Variants in FAM76B observed in about 807,000 individuals in gnomAD.
FAM76B encodes the protein family with sequence similarity 76 member B.
Under a neutral mutation model 51.8 loss-of-function variants are expected in FAM76B, and 16 were observed. The ratio of observed to expected loss-of-function variants is 0.31; its 90% confidence interval spans 0.21 to 0.47. The LOEUF is 0.47. Ranked by LOEUF, FAM76B falls within the 20% of genes least tolerant of loss-of-function variation. FAM76B has a pLI of 1.00. For synonymous variants in FAM76B, 166 were observed against 129.5 expected (o/e 1.28, Z -1.91); for missense variants, 342 against 392.6 (o/e 0.87, Z 1.09).
At chr11:95,774,587 G>GAC (rs1347464784) in intron 9 of FAM76B, among the ~76,000 whole-genome samples, 1 of 151,420 alleles carries the variant, frequency 6.6e-6, no homozygotes, top group Non-Finnish European at 1.5e-5. Context: ...TTAAATCAAA[G>GAC]ATCACCAGGT....
chr11:95,788,623 G>T, intron 1 of FAM76B, 60 bp from the exon 2 acceptor site: 1 of 1,514,682 alleles, frequency 6.6e-7, no homozygotes. Flanking sequence ...TCACTTTTCT[G>T]GTAGAAAACT....
Position 95,771,532 on chromosome 11 carries a change from T to G in FAM76B, c.*29A>C, listed in dbSNP as rs1565282205. On this transcript the variant is annotated 3_prime_UTR_variant, in exon 10 of 10. Coordinates refer to ENST00000358780, the MANE Select transcript of FAM76B (RefSeq NM_144664.5). ...ATTTTTTTTCCCCAAATTTACATTG[T>G]AAGAAGAAATGCTAAACAAATGACT... is the stretch of plus-strand genomic sequence containing the variant. 1 of 1,571,964 alleles carries G rather than the reference T, an allele frequency of 6.4e-7. No individual in the cohort carries two copies. Among genetic ancestry groups the G allele is most frequent in the South Asian group, 1.1e-5 (1 of 87,958 alleles).
intron 4 of FAM76B, 103 bp from the exon 5 acceptor site, chr11:95,783,367 C>T: frequency 1.1e-6 from 1 of 923,262 alleles, no homozygotes; most frequent in South Asian, 1.6e-5. Flanking sequence ...CCACACGTAA[C>T]ATGCACAAAT....
Position 95,789,567 on chromosome 11 carries a change from G to T in FAM76B, c.-89C>A. 8.2e-7 allele frequency: 1 copy of T among 1,223,514 alleles called. No individual in the cohort carries two copies. The allele number at this position is 1,223,514 out of a possible 1,614,324, so 75.8% of individuals were successfully genotyped here. A position where few individuals can be genotyped will look rare whatever the true frequency, so the allele number is the denominator to read the frequency against. On this transcript the variant is annotated 5_prime_UTR_variant, in exon 1 of 10. Transcript: ENST00000358780. ...AGAGCCGCCGCCGCCCGGGCCGCGG[G>T]CTCCTCCTCCTCCCCCTCCCCCTGC...
In FAM76B at chr11:95,783,263, A is replaced by C; in HGVS notation, c.365T>G (p.Val122Gly). 6.2e-7 allele frequency: 1 copy of C among 1,610,378 alleles called. No individual in the cohort carries two copies. The highest frequency in any genetic ancestry group is 8.5e-7 in the Non-Finnish European group (1 of 1,178,880). Residue 122 changes from valine to glycine, a missense_variant and splice_region_variant, in exon 5 of 10, where the codon GTT (valine) becomes GGT (glycine). Coordinates refer to ENST00000358780, the MANE Select transcript of FAM76B (RefSeq NM_144664.5). ...FDRKEEGRRKVDGKLLCWLCT... is the reference protein window; with the variant it reads ...FDRKEEGRRKGDGKLLCWLCT... ...GAGCCAGCATAATAACTTTCCATCA[A>C]CCTTTTAAGAAAATGTGTTAAATTA...
chr11:95,788,879 C>G (rs1860777670), intron 1 of FAM76B: 1 of 1,370,690 alleles, frequency 7.3e-7, no homozygotes. Flanking sequence ...AGACAGCATC[C>G]AGGCTTTAAT....
intron 3 of FAM76B, among the ~76,000 whole-genome samples, chr11:95,787,052 T>A (rs894294420): frequency 6.6e-6 from 1 of 152,208 alleles, no homozygotes; most frequent in Admixed American, 6.5e-5. Flanking sequence ...AAGTTCTCCA[T>A]AACCAAGAAT....
At chr11:95,784,593 A>ACAAT (rs1860457601) in intron 4 of FAM76B, among the ~76,000 whole-genome samples, 7 of 133,902 alleles carry the variant, frequency 5.2e-5, no homozygotes, top group Middle Eastern at 3.9e-3. Flanking sequence ...CACACACACA[A>ACAAT]TTTTTTTTTT....
At chr11:95,776,129 G>T in intron 8 of FAM76B, 106 bp from the exon 9 acceptor site, 1 of 548,820 alleles carries the variant, frequency 1.8e-6, no homozygotes, top group Non-Finnish European at 2.9e-6. Flanking sequence ...AAAAGTAGAA[G>T]ATGTTAACTG....
intron 4 of FAM76B, among the ~76,000 whole-genome samples, chr11:95,784,221 A>C (rs1447416499): frequency 6.6e-6 from 1 of 152,142 alleles, no homozygotes; most frequent in Non-Finnish European, 1.5e-5. Context: ...CTTACTTATA[A>C]GCAGGAACTA....
chr11:95,781,405 T>C (rs958516316), intron 5 of FAM76B, among the ~76,000 whole-genome samples: 2 of 152,030 alleles, frequency 1.3e-5, no homozygotes, highest in Admixed American at 1.3e-4. Flanking sequence ...AAATAGAAAA[T>C]AGTGTTTGTA....
intron 1 of FAM76B, 81 bp downstream of exon 1, chr11:95,789,311 G>A (rs1174992505): frequency 1.4e-6 from 2 of 1,432,744 alleles, no homozygotes; most frequent in Non-Finnish European, 1.9e-6. Context: ...GGCGAAGAGG[G>A]GCTGCAGTGC....
At chr11:95,780,318 G>C (rs1441176544) in intron 5 of FAM76B, among the ~76,000 whole-genome samples, 1 of 151,844 alleles carries the variant, frequency 6.6e-6, no homozygotes, top group East Asian at 1.9e-4. Context: ...ATCTGAAGTA[G>C]AGATTCTTCT....
chr11:95,780,655 C>T (rs978480874), intron 5 of FAM76B, among the ~76,000 whole-genome samples: 5 of 151,930 alleles, frequency 3.3e-5, no homozygotes, highest in African/African-American at 1.2e-4. Context: ...CTAGCTTATT[C>T]ACTCAGCATG....
intron 9 of FAM76B, among the ~76,000 whole-genome samples, chr11:95,773,198 A>AG (rs1859847809): frequency 6.6e-6 from 1 of 151,186 alleles, no homozygotes; most frequent in Non-Finnish European, 1.5e-5. Flanking sequence ...TTTGAACATT[A>AG]GGTCTTCAAA....
Position 95,783,329 on chromosome 11 carries a change from G to A in FAM76B, c.364-65C>T, listed in dbSNP as rs556815440. ...ACTGGCTGTAAACGAAACCAGGTAA[G>A]ATAAACCACTCAACTTCCACCTATA... On this transcript the variant is annotated intron_variant, in intron 4 of 9. Transcript: ENST00000358780. The A allele has an allele frequency of 5.7e-6, 8 of 1,394,952 alleles. No individual in the cohort carries two copies. The East Asian group carries it at 1.6e-4, about 28-fold the overall frequency. 86.4% of individuals were successfully genotyped at this position (1,394,952 alleles called of 1,614,324 possible). A position where few individuals can be genotyped will look rare whatever the true frequency, so the allele number is the denominator to read the frequency against.
chr11:95,777,283 C>T (rs1860053196), intron 8 of FAM76B, among the ~76,000 whole-genome samples: 1 of 151,250 alleles, frequency 6.6e-6, no homozygotes, highest in Admixed American at 6.6e-5. Flanking sequence ...TTAGGATTTT[C>T]CTTACAACAA....
In FAM76B at chr11:95,787,673, G is replaced by C; in HGVS notation, c.158C>G (p.Thr53Ser). ...AGCACACTTCTTACAAATTGTGTTAGTTTTGCTGAAAAATAAATTGTATAT... is the reference window on the plus strand; with the variant it reads ...AGCACACTTCTTACAAATTGTGTTACTTTTGCTGAAAAATAAATTGTATAT... ...CRSEFQQESK[T>S]NTICKKCAQN... is the part of the protein sequence containing the mutation. Residue 53 changes from threonine (T) to serine (S), a missense_variant, in exon 3 of 10, where the codon ACT becomes AGT. Thr to Ser is a moderately conservative substitution (Grantham distance 58). This residue lies in a region of FAM76B where 96 missense variants were observed against 94.7 expected (regional missense o/e 1.01). Transcript: ENST00000358780. The C allele has an allele frequency of 6.2e-7, 1 of 1,605,944 alleles. No individual in the cohort carries two copies. Among genetic ancestry groups the C allele is most frequent in the South Asian group, 1.1e-5 (1 of 90,010 alleles).
intron 3 of FAM76B, 122 bp from the exon 4 acceptor site, chr11:95,786,396 T>A: frequency 1.7e-6 from 2 of 1,149,786 alleles, no homozygotes; most frequent in South Asian, 1.7e-5. Flanking sequence ...TTGTTTTCTG[T>A]CAAGTTTGTT....
Sources: gnomAD v4.1 joint callset for allele counts (sites outside exome capture counted in the v4.1 genomes callset) on GRCh38, gnomAD v4.1.1 for gene constraint, gnomAD v4.1.1 regional missense constraint, MANE v1.5 for transcripts, NCBI Gene and HGNC (gene_info 2026-07-23, HGNC 2026-07-21) for gene names.